SPHKAP: variants seen among roughly 807,000 people sequenced by gnomAD.
SPHKAP encodes the protein SPHK1 interactor, AKAP domain containing, also known as A-kinase anchor protein SPHKAP.
SPHKAP carries 67 observed loss-of-function variants against 137.5 expected under a neutral mutation model. That is an observed-to-expected ratio of 0.49 (90% CI 0.40 to 0.60). The LOEUF (loss-of-function observed/expected upper bound fraction) is 0.60. SPHKAP is among the 20% of genes least tolerant of loss of function. The probability of loss-of-function intolerance (pLI) is 0.00; values close to 1 mark genes in which losing one functional copy is unlikely to be tolerated. For missense variants in SPHKAP, 2,097 were observed against 2,069.3 expected, an observed-to-expected ratio of 1.01 and a Z score of -0.26; for synonymous variants, 813 against 785.3, an observed-to-expected ratio of 1.04 and a Z score of -0.59.
chr2:228,100,600 T>C (rs1052966697), intron 3 of SPHKAP, among the ~76,000 whole-genome samples: 2 of 146,364 alleles, frequency 1.4e-5, no homozygotes, highest in Non-Finnish European at 3.0e-5. Context: ...ATTGAGATGA[T>C]AGTATGGTTT....
intron 3 of SPHKAP, among the ~76,000 whole-genome samples, chr2:228,057,134 G>A (rs1460488331): frequency 6.6e-6 from 1 of 152,170 alleles, no homozygotes; most frequent in Non-Finnish European, 1.5e-5. Context: ...TGAAGAAAAT[G>A]TGATGTCCTC....
chr2:227,989,460 A>T (rs565431410), intron 11 of SPHKAP, among the ~76,000 whole-genome samples: 51 of 152,280 alleles, frequency 3.3e-4, no homozygotes, highest in African/African-American at 1.2e-3. Flanking sequence ...AGGATCCTAA[A>T]ACAGTACTCA....
intron 1 of SPHKAP, among the ~76,000 whole-genome samples, chr2:228,177,089 C>T (rs1700767183): frequency 1.7e-5 from 2 of 116,530 alleles, no homozygotes; most frequent in South Asian, 5.8e-4. Context: ...TTGTAAGGAC[C>T]CATTTACAAG....
At chr2:228,028,606 T>A (rs1353825969) in intron 3 of SPHKAP, among the ~76,000 whole-genome samples, 1 of 152,016 alleles carries the variant, frequency 6.6e-6, no homozygotes. Context: ...TATGTTTAGA[T>A]ATACAAATAC....
chr2:228,103,715 G>C (rs1257800913), intron 3 of SPHKAP, among the ~76,000 whole-genome samples: 2 of 152,150 alleles, frequency 1.3e-5, no homozygotes, highest in Non-Finnish European at 2.9e-5. Flanking sequence ...ATTAGCATTT[G>C]ATAGGTTCTT....
At chr2:228,114,971 T>C (rs1352840979) in intron 2 of SPHKAP, among the ~76,000 whole-genome samples, 3 of 152,108 alleles carry the variant, frequency 2.0e-5, no homozygotes, top group Non-Finnish European at 2.9e-5. Context: ...GATGGACTGG[T>C]CAGTTCTCCC....
At chr2:228,026,751 G>A (rs985063560) in intron 4 of SPHKAP, among the ~76,000 whole-genome samples, 7 of 152,202 alleles carry the variant, frequency 4.6e-5, no homozygotes, top group Non-Finnish European at 8.8e-5. Context: ...TCAATTAGCT[G>A]TGTGGGAAAC....
At chr2:228,149,652 GC>G (rs1699872490) in intron 1 of SPHKAP, among the ~76,000 whole-genome samples, 2 of 152,090 alleles carry the variant, frequency 1.3e-5, no homozygotes. Flanking sequence ...GGTCTTGCAT[GC>G]TTTTTTTAGA....
chr2:228,019,501 G>A lies in SPHKAP; in HGVS notation c.1353C>T (p.Val451=), dbSNP rs770168432. The change falls in exon 7 of 12, where the codon GTC becomes GTT. Residue 451 remains valine (V), a synonymous_variant. Coordinates refer to ENST00000392056, the MANE Select transcript of SPHKAP (RefSeq NM_001142644.2). ...CACTGCCATCTGGACTCTGAACAAC[G>A]ACGATTTTGGGGAGCTCATTCCATG... ...SRSWNELPKI[V]VVQSPDGSDA... 1.9e-5 allele frequency: 31 copies of A among 1,614,042 alleles called. No individual in the cohort carries two copies. Among genetic ancestry groups the A allele is most frequent in the Non-Finnish European group, 2.3e-5 (27 of 1,180,030 alleles).
At chr2:228,155,825 T>C (rs1339847413) in intron 1 of SPHKAP, among the ~76,000 whole-genome samples, 1 of 152,238 alleles carries the variant, frequency 6.6e-6, no homozygotes, top group Admixed American at 6.5e-5. Context: ...CCTATAAATG[T>C]AATATTTGTT....
intron 3 of SPHKAP, among the ~76,000 whole-genome samples, chr2:228,047,512 G>C: frequency 6.6e-6 from 1 of 151,182 alleles, no homozygotes; most frequent in Non-Finnish European, 1.5e-5. Flanking sequence ...ACTCTCTCAT[G>C]TTATCTGTAA....
intron 3 of SPHKAP, among the ~76,000 whole-genome samples, chr2:228,057,046 C>T (rs904754820): frequency 1.3e-5 from 2 of 152,174 alleles, no homozygotes; most frequent in Admixed American, 6.5e-5. Context: ...AACAAGGAAG[C>T]GAGGCATGGC....
chr2:228,064,309 T>C (rs1203652223), intron 3 of SPHKAP, among the ~76,000 whole-genome samples: 2 of 152,216 alleles, frequency 1.3e-5, no homozygotes, highest in African/African-American at 4.8e-5. Context: ...TTAGTATTTA[T>C]TGCACATTGT....
chr2:227,980,839 ATAT>A lies in SPHKAP; in HGVS notation c.*875_*877del, dbSNP rs1166216096. ...TTAGGAAGCTTGAAGCTAACTCAATATATTATTTAAGACAATAATCTCTTTATA... is the reference window on the plus strand; with the variant it reads ...TTAGGAAGCTTGAAGCTAACTCAATATATTTAAGACAATAATCTCTTTATA... On this transcript the variant is annotated 3_prime_UTR_variant, in exon 12 of 12. Transcript: ENST00000392056. 3.3e-5 allele frequency: 5 copies of A among 152,242 alleles called. No individual in the cohort carries two copies. Among genetic ancestry groups the A allele is most frequent in the African/African-American group, 1.2e-4 (5 of 41,466 alleles). The allele number at this position is 152,242 out of a possible 1,614,324, so 9.4% of individuals were successfully genotyped here. A position where few individuals can be genotyped will look rare whatever the true frequency, so the allele number is the denominator to read the frequency against.
intron 1 of SPHKAP, 21 bp from the exon 2 acceptor site, chr2:228,132,106 A>G: frequency 6.3e-7 from 1 of 1,579,222 alleles, no homozygotes; most frequent in Non-Finnish European, 8.7e-7. Flanking sequence ...CCCAAAACAC[A>G]AAAACACATT....
intron 8 of SPHKAP, among the ~76,000 whole-genome samples, chr2:227,994,949 G>GA (rs1411913360): frequency 1.6e-4 from 24 of 152,316 alleles, no homozygotes; most frequent in African/African-American, 5.5e-4. Context: ...GAGTCTTTTA[G>GA]AGGTTCCACC....
At chr2:227,993,649 G>A (rs1406971279) in intron 8 of SPHKAP, 29 bp from the exon 9 acceptor site, 1 of 1,538,192 alleles carries the variant, frequency 6.5e-7, no homozygotes, top group Admixed American at 1.9e-5. Flanking sequence ...ACATATTAAT[G>A]CCCGTCTCCA....
chr2:228,099,914 A>C (rs1698135222), intron 3 of SPHKAP, among the ~76,000 whole-genome samples: 1 of 151,768 alleles, frequency 6.6e-6, no homozygotes, highest in African/African-American at 2.4e-5. Flanking sequence ...CAGTGGCGCA[A>C]TCTCGGCTCA....
chr2:228,027,977 GAAA>G (rs767238383), intron 3 of SPHKAP: 1 of 870,232 alleles, frequency 1.1e-6, no homozygotes, highest in Non-Finnish European at 1.3e-6. Context: ...AAAAAAAAAA[GAAA>G]AAAGAAAAAA....
Sources: gnomAD v4.1 joint callset for allele counts (sites outside exome capture counted in the v4.1 genomes callset) on GRCh38, gnomAD v4.1.1 for gene constraint, MANE v1.5 for transcripts, NCBI Gene and HGNC (gene_info 2026-07-23, HGNC 2026-07-21) for gene names.